The following VPS13B variants were observed in gnomAD, a reference collection of about 807,000 sequenced individuals.
VPS13B encodes the protein vacuolar protein sorting 13 homolog B.
Under a neutral mutation model 426.4 loss-of-function variants are expected in VPS13B, and 285 were observed. That is an observed-to-expected ratio of 0.67 (90% CI 0.61 to 0.74). VPS13B has a LOEUF of 0.74. Ranked by LOEUF, VPS13B falls within the 30% of genes least tolerant of loss-of-function variation. VPS13B has a pLI of 0.00. For synonymous variants in VPS13B, 1,676 were observed against 1,676.4 expected, an observed-to-expected ratio of 1.00 and a Z score of 0.01; for missense variants, 4,537 against 4,782.6, an observed-to-expected ratio of 0.95 and a Z score of 1.51.
chr8:99,512,043 G>A (rs1249175097), intron 29 of VPS13B, among the ~76,000 whole-genome samples: 4 of 152,126 alleles, frequency 2.6e-5, no homozygotes, highest in Non-Finnish European at 5.9e-5. Flanking sequence ...TATCATTTTT[G>A]TAATAAAATA....
intron 19 of VPS13B, among the ~76,000 whole-genome samples, chr8:99,364,681 C>T (rs551646980): frequency 1.3e-5 from 2 of 152,284 alleles, no homozygotes; most frequent in South Asian, 4.1e-4. Flanking sequence ...AATCCCCCTG[C>T]CTCGGCCTCC....
chr8:99,518,178 A>G (rs1263122101), intron 29 of VPS13B, among the ~76,000 whole-genome samples: 1 of 152,114 alleles, frequency 6.6e-6, no homozygotes, highest in Non-Finnish European at 1.5e-5. Flanking sequence ...CAATGTTTCT[A>G]TTACATTTCA....
intron 54 of VPS13B, 42 bp from the exon 55 acceptor site, chr8:99,848,734 T>G: frequency 6.3e-7 from 1 of 1,589,146 alleles, no homozygotes; most frequent in Non-Finnish European, 8.6e-7. Context: ...CAATAGTGTT[T>G]CTTATTTCTT....
chr8:99,704,777 C>T lies in VPS13B; in HGVS notation c.6454+4845C>T, dbSNP rs796328080. ...CACTATGTCCCAAGTAGCTTAAACC[C>T]AACACTTAAGGAAAGGTGGAGACCT... On this transcript the variant is annotated intron_variant, in intron 36 of 61. Transcript: ENST00000357162. Among the ~76,000 whole-genome samples the T allele has an allele frequency of 2.1e-4, 32 of 152,210 alleles. 1 individual carries two copies. Among genetic ancestry groups the T allele is most frequent in the African/African-American group, 7.5e-4 (31 of 41,522 alleles).
At position 99,442,392 on chromosome 8, in the gene VPS13B, C is replaced by A. The variant is rs772598316; in HGVS notation, c.3211-9C>A. 1.2e-6 allele frequency: 2 copies of A among 1,611,056 alleles called. No individual in the cohort carries two copies. Among genetic ancestry groups the A allele is most frequent in the South Asian group, 2.2e-5 (2 of 90,984 alleles). On this transcript the variant is annotated splice_polypyrimidine_tract_variant and intron_variant, in intron 22 of 61. Coordinates refer to ENST00000357162, the MANE Select transcript of VPS13B (RefSeq NM_152564.5). ...ATCCGAATATTTTAATTCTGCTTTT[C>A]TTTTCTAGCTTGAAGTACAATCTTG...
At chr8:99,528,960 T>C (rs1210759714) in intron 30 of VPS13B, among the ~76,000 whole-genome samples, 2 of 152,114 alleles carry the variant, frequency 1.3e-5, no homozygotes, top group African/African-American at 2.4e-5. Context: ...AAAATTTAGC[T>C]TATGATTTAG....
chr8:99,802,984 T>C (rs1813202700), intron 43 of VPS13B, among the ~76,000 whole-genome samples: 1 of 152,234 alleles, frequency 6.6e-6, no homozygotes, highest in African/African-American at 2.4e-5. Context: ...AGCCCAGTGC[T>C]TGACACATAA....
chr8:99,616,876 T>G lies in VPS13B; in HGVS notation c.5221-24935T>G, dbSNP rs144144915. On this transcript the variant is annotated intron_variant, in intron 33 of 61. Transcript: ENST00000357162. ...CTGGGAATAATAACTATAAAGGACT[T>G]TTTCCCCCACATTACAAAAATGTAT... Among the ~76,000 whole-genome samples, 954 of 152,284 alleles carry G rather than the reference T, an allele frequency of 6.3e-3. 8 individuals carry two copies. The highest frequency in any genetic ancestry group is 0.022 in the African/African-American group (896 of 41,544).
Position 99,103,038 on chromosome 8 carries a change from T to C in VPS13B, c.498T>C (p.Asp166=), listed in dbSNP as rs776596431. 6.2e-7 allele frequency: 1 copy of C among 1,613,792 alleles called. No homozygotes were observed. Among genetic ancestry groups the C allele is most frequent in the Non-Finnish European group, 8.5e-7 (1 of 1,179,728 alleles). The change falls in exon 5 of 62, where the codon GAT becomes GAC. Residue 166 remains aspartate (D), a synonymous_variant. Transcript: ENST00000357162. Reference sequence around the variant, plus strand: ...TCATACTAAAATATGTTGAAGATGATATCGTCCTTTCCGTCAATATCACTT... The same window carrying C: ...TCATACTAAAATATGTTGAAGATGACATCGTCCTTTCCGTCAATATCACTT... The part of the protein sequence containing the change: ...NNLILKYVED[D]IVLSVNITSA...
intron 21 of VPS13B, among the ~76,000 whole-genome samples, chr8:99,409,047 C>T (rs1277012036): frequency 6.6e-6 from 1 of 152,182 alleles, no homozygotes; most frequent in African/African-American, 2.4e-5. Flanking sequence ...AAGTCCATTA[C>T]TGAGTCCACA....
intron 19 of VPS13B, among the ~76,000 whole-genome samples, chr8:99,370,758 T>G (rs1813133926): frequency 6.6e-6 from 1 of 151,860 alleles, no homozygotes; most frequent in Non-Finnish European, 1.5e-5. Flanking sequence ...TACAGGCGTG[T>G]ACCACCATGC....
intron 57 of VPS13B, among the ~76,000 whole-genome samples, chr8:99,859,840 T>C (rs1440563194): frequency 6.6e-6 from 1 of 152,236 alleles, no homozygotes; most frequent in East Asian, 1.9e-4. Context: ...CATCATATTT[T>C]TTTAAATGTA....
chr8:99,741,302 A>G (rs2130474886), intron 39 of VPS13B, among the ~76,000 whole-genome samples: 1 of 152,344 alleles, frequency 6.6e-6, no homozygotes, highest in South Asian at 2.1e-4. Flanking sequence ...CACCCAATAC[A>G]GGAGCACCCA....
At chr8:99,865,146 A>G (rs1158341153) in intron 58 of VPS13B, among the ~76,000 whole-genome samples, 3 of 152,190 alleles carry the variant, frequency 2.0e-5, no homozygotes, top group Admixed American at 1.3e-4. Flanking sequence ...TTCCAAGAGC[A>G]ACGGCTTTTG....
chr8:99,251,035 A>G (rs1237593257), intron 17 of VPS13B, among the ~76,000 whole-genome samples: 1 of 151,954 alleles, frequency 6.6e-6, no homozygotes, highest in Non-Finnish European at 1.5e-5. Flanking sequence ...CTCACCTATT[A>G]CTTCTAGAAT....
At chr8:99,864,730 T>C (rs1222982019) in intron 58 of VPS13B, among the ~76,000 whole-genome samples, 1 of 152,206 alleles carries the variant, frequency 6.6e-6, no homozygotes, top group African/African-American at 2.4e-5. Flanking sequence ...TATTTGATCT[T>C]CACAACCCTT....
At position 99,817,799 on chromosome 8, in the gene VPS13B, T is replaced by C; in HGVS notation, c.8357T>C (p.Ile2786Thr). 6.2e-7 allele frequency: 1 copy of C among 1,614,070 alleles called. No homozygotes were observed. The highest frequency in any genetic ancestry group is 8.5e-7 in the Non-Finnish European group (1 of 1,179,970). The change falls in exon 45 of 62, where the codon ATT becomes ACT. Residue 2786 changes from isoleucine (I) to threonine (T), a missense_variant. This residue lies in a region of VPS13B where 4,311 missense variants were observed against 4,474.3 expected (regional missense o/e 0.96). Transcript: ENST00000357162. ...AAAGCCCCTGAGTACAGCATTGTCA[T>C]TCAGGTTTGAAAAGACGTTCAATCT... ...ESKAPEYSIV[I>T]QVPSSNSSII...
At position 99,875,976 on chromosome 8, in the gene VPS13B, C is replaced by CCTT; in HGVS notation, c.*312_*314dup. The CCTT allele has an allele frequency of 7.6e-6, 3 of 395,376 alleles. No individual in the cohort carries two copies. Among genetic ancestry groups the CCTT allele is most frequent in the Non-Finnish European group, 1.4e-5 (3 of 212,952 alleles). The allele number at this position is 395,376 out of a possible 1,614,324, so 24.5% of individuals were successfully genotyped here. The stretch of plus-strand genomic sequence containing the variant: ...TACTTCAAAGTGACAAAAACGTGTT[C>CCTT]CTTCCCCACTTAGAGACAATGATTA... On this transcript the variant is annotated 3_prime_UTR_variant, in exon 62 of 62. Transcript: ENST00000357162.
intron 23 of VPS13B, among the ~76,000 whole-genome samples, chr8:99,456,701 C>A (rs1309613652): frequency 6.6e-6 from 1 of 152,066 alleles, no homozygotes; most frequent in Non-Finnish European, 1.5e-5. Flanking sequence ...ATATGATTTG[C>A]TAAATTTTTA....
Sources: gnomAD v4.1 joint callset for allele counts (sites outside exome capture counted in the v4.1 genomes callset) on GRCh38, gnomAD v4.1.1 for gene constraint, gnomAD v4.1.1 regional missense constraint, MANE v1.5 for transcripts, NCBI Gene and HGNC (gene_info 2026-07-23, HGNC 2026-07-21) for gene names.